Variants in WFDC8 observed in about 807,000 individuals in gnomAD.
WFDC8 encodes the protein WAP four-disulfide core domain 8.
Under a neutral mutation model 27.0 loss-of-function variants are expected in WFDC8, and 24 were observed. That is an observed-to-expected ratio of 0.89 (90% CI 0.64 to 1.25). The LOEUF is 1.25. Ranked by LOEUF, WFDC8 falls within the 50% of genes most tolerant of loss-of-function variation. The pLI, the probability that WFDC8 is intolerant of heterozygous loss-of-function variation, is 0.00. For missense variants in WFDC8, 287 were observed against 295.9 expected, an observed-to-expected ratio of 0.97 and a Z score of 0.22; for synonymous variants, 106 against 99.7, an observed-to-expected ratio of 1.06 and a Z score of -0.38.
At chr20:45,557,672 ATC>A in intron 3 of WFDC8, among the ~76,000 whole-genome samples, 1 of 152,170 alleles carries the variant, frequency 6.6e-6, no homozygotes, top group East Asian at 1.9e-4. Flanking sequence ...ACATCAGGTG[ATC>A]CACCCGCCTT....
chr20:45,567,387 C>G (rs1307468903), intron 1 of WFDC8, among the ~76,000 whole-genome samples: 2 of 152,188 alleles, frequency 1.3e-5, no homozygotes, highest in Non-Finnish European at 2.9e-5. Context: ...AGGGCAAATA[C>G]AGCCAAATAC....
chr20:45,576,150 T>C (rs1981038378), intron 1 of WFDC8, among the ~76,000 whole-genome samples: 1 of 151,484 alleles, frequency 6.6e-6, no homozygotes, highest in Non-Finnish European at 1.5e-5. Flanking sequence ...CATATTGTGC[T>C]GCTAAAATAT....
chr20:45,565,149 G>A (rs1980634359), intron 1 of WFDC8, among the ~76,000 whole-genome samples: 1 of 151,504 alleles, frequency 6.6e-6, no homozygotes, highest in South Asian at 2.1e-4. Flanking sequence ...AAAAGGGAGG[G>A]AGGGAAGGAA....
chr20:45,573,489 C>T (rs1980940608), intron 1 of WFDC8, among the ~76,000 whole-genome samples: 1 of 152,158 alleles, frequency 6.6e-6, no homozygotes, highest in African/African-American at 2.4e-5. Flanking sequence ...CAAAGTCCAT[C>T]ATACCACCTG....
Position 45,562,256 on chromosome 20 carries a change from A to C in WFDC8, c.27-37T>G, listed in dbSNP as rs1415063333. On this transcript the variant is annotated intron_variant, in intron 1 of 5. Coordinates refer to ENST00000289953, the MANE Select transcript of WFDC8 (RefSeq NM_130896.3). The stretch of plus-strand genomic sequence containing the variant: ...AGAAGAGAGGTGGGAGTTAAGCACA[A>C]TCCAGAGAGAGACACAAAGTGTGTG... 10 of 1,551,710 alleles carry C rather than the reference A, an allele frequency of 6.4e-6. No individual in the cohort carries two copies. In the South Asian group the frequency reaches 1.1e-4, roughly 17 times the overall value.
intron 1 of WFDC8, among the ~76,000 whole-genome samples, chr20:45,577,404 CTTT>C (rs543909192): frequency 6.9e-6 from 1 of 145,176 alleles, no homozygotes. Flanking sequence ...CATAAGGTGT[CTTT>C]TTTTTTTTTT....
At chr20:45,576,318 A>C (rs1981044457) in intron 1 of WFDC8, among the ~76,000 whole-genome samples, 1 of 151,340 alleles carries the variant, frequency 6.6e-6, no homozygotes, top group Non-Finnish European at 1.5e-5. Context: ...GGTAAATACA[A>C]ATGTATTCCT....
intron 1 of WFDC8, 55 bp downstream of exon 1, chr20:45,579,167 C>CT (rs1981148559): frequency 6.3e-7 from 1 of 1,583,248 alleles, no homozygotes; most frequent in South Asian, 1.1e-5. Flanking sequence ...TCCTCATCTC[C>CT]TTGGGCTCAG....
intron 1 of WFDC8, among the ~76,000 whole-genome samples, chr20:45,576,130 T>C (rs999962304): frequency 7.9e-5 from 12 of 151,442 alleles, no homozygotes; most frequent in Non-Finnish European, 1.2e-4. Flanking sequence ...GAACACTCCG[T>C]ACATATCTCC....
chr20:45,563,437 C>T (rs1980540234), intron 1 of WFDC8, among the ~76,000 whole-genome samples: 1 of 152,162 alleles, frequency 6.6e-6, no homozygotes, highest in Non-Finnish European at 1.5e-5. Flanking sequence ...ATCCTGAATC[C>T]ACCACTTATC....
chr20:45,567,168 G>A (rs537605113), intron 1 of WFDC8, among the ~76,000 whole-genome samples: 13 of 152,220 alleles, frequency 8.5e-5, no homozygotes, highest in South Asian at 8.3e-4. Flanking sequence ...ACAAAATAGC[G>A]TTATCAATGT....
chr20:45,555,979 G>A, intron 3 of WFDC8, 111 bp from the exon 4 acceptor site: 1 of 1,162,228 alleles, frequency 8.6e-7, no homozygotes, highest in Non-Finnish European at 1.2e-6. Flanking sequence ...GTCATAAAAG[G>A]AGCCATGGCA....
rs565130625 is a variant in WFDC8, at chr20:45,553,237, C to T, written c.485G>A (p.Arg162His). Residue 162 changes from arginine to histidine, a missense_variant, in exon 5 of 6, where the codon CGT becomes CAT. Transcript: ENST00000289953. ...GQCPLFPFTE[R>H]KECPPSCHSD... ...GTGACATGAAGGTGGACACTCCTTACGTTCAGTGAAAGGGAAGAGTGGGCA... is the reference window on the plus strand; with the variant it reads ...GTGACATGAAGGTGGACACTCCTTATGTTCAGTGAAAGGGAAGAGTGGGCA... 17 of 1,613,836 alleles carry T rather than the reference C, an allele frequency of 1.1e-5. No individual in the cohort carries two copies. The highest frequency in any genetic ancestry group is 5.5e-5 in the South Asian group (5 of 91,060).
At chr20:45,576,405 T>C (rs1981047139) in intron 1 of WFDC8, among the ~76,000 whole-genome samples, 1 of 144,798 alleles carries the variant, frequency 6.9e-6, no homozygotes, top group Non-Finnish European at 1.5e-5. Context: ...TAGAGTTTTC[T>C]TTTTTTTTTT....
chr20:45,557,170 C>T (rs6017614), intron 3 of WFDC8, among the ~76,000 whole-genome samples: 57,952 of 151,730 alleles, frequency 0.38, 11,477 homozygotes, highest in Non-Finnish European at 0.43. Flanking sequence ...AATTAGGCTA[C>T]AAAGTTTTGC....
At chr20:45,568,168 C>A in intron 1 of WFDC8, 1 of 314,628 alleles carries the variant, frequency 3.2e-6, no homozygotes, top group South Asian at 3.9e-5. Flanking sequence ...GGTATACTGT[C>A]CACAGAAAAT....
chr20:45,558,626 T>C (rs1980352841), intron 3 of WFDC8, among the ~76,000 whole-genome samples: 1 of 152,196 alleles, frequency 6.6e-6, no homozygotes. Context: ...ATTAGTTATT[T>C]GTGAATAATT....
At chr20:45,568,501 C>A in intron 1 of WFDC8, 3 of 340,274 alleles carry the variant, frequency 8.8e-6, no homozygotes, top group South Asian at 2.7e-5. Flanking sequence ...AAATTGTATT[C>A]TTGATAGAGA....
At chr20:45,571,184 C>G (rs1980854205) in intron 1 of WFDC8, among the ~76,000 whole-genome samples, 1 of 152,162 alleles carries the variant, frequency 6.6e-6, no homozygotes, top group Non-Finnish European at 1.5e-5. Context: ...TCTCTACCCA[C>G]AATCTTTTTG....
Sources: gnomAD v4.1 joint callset for allele counts (sites outside exome capture counted in the v4.1 genomes callset) on GRCh38, gnomAD v4.1.1 for gene constraint, MANE v1.5 for transcripts, NCBI Gene and HGNC (gene_info 2026-07-23, HGNC 2026-07-21) for gene names.